The following PPFIBP1 variants were observed in gnomAD, a reference collection of about 807,000 sequenced individuals.
The protein encoded by PPFIBP1 is PPFIB scaffold protein 1.
In PPFIBP1, 112 loss-of-function variants were observed where a neutral mutation model predicts 137.8. That is an observed-to-expected ratio of 0.81 (90% CI 0.70 to 0.95). The LOEUF is 0.95. Among genes scored for constraint, PPFIBP1 ranks in the 40% least tolerant of loss-of-function variants. PPFIBP1 has a pLI of 0.00. For missense variants in PPFIBP1, 1,083 were observed against 1,196.6 expected, an observed-to-expected ratio of 0.91 and a Z score of 1.40; for synonymous variants, 378 against 417.3, an observed-to-expected ratio of 0.91 and a Z score of 1.15.
At chr12:27,547,082 T>C (rs1946307326) in intron 1 of PPFIBP1, 1 of 152,250 alleles carries the variant, frequency 6.6e-6, no homozygotes, top group Non-Finnish European at 1.5e-5. Context: ...GTGGAACTGT[T>C]CTTGCCGGGT....
intron 2 of PPFIBP1, among the ~76,000 whole-genome samples, chr12:27,610,457 C>A (rs1294219265): frequency 6.6e-6 from 1 of 152,174 alleles, no homozygotes; most frequent in East Asian, 1.9e-4. Flanking sequence ...GCACTGAGCA[C>A]TTAAAGCGCC....
At chr12:27,646,299 T>C in intron 5 of PPFIBP1, 151 bp downstream of exon 5, 1 of 693,024 alleles carries the variant, frequency 1.4e-6, no homozygotes, top group Non-Finnish European at 2.6e-6. Context: ...GTGGTGAGGA[T>C]TGGGGCAGAA....
intron 1 of PPFIBP1, among the ~76,000 whole-genome samples, chr12:27,558,542 G>A (rs1217271416): frequency 1.9e-5 from 2 of 106,096 alleles, no homozygotes; most frequent in Non-Finnish European, 3.8e-5. Flanking sequence ...TGTGGGCATT[G>A]GGGAAAATAG....
At position 27,676,420 on chromosome 12, in the gene PPFIBP1, C is replaced by T. The variant is rs751319279; in HGVS notation, c.1411-8C>T. ...AGAGCTGTTTCACTATTCTTATTTG[C>T]CTCTCAGGACAGAGCTCCGGCAGAA... On this transcript the variant is annotated splice_region_variant and splice_polypyrimidine_tract_variant and intron_variant, in intron 17 of 29. Coordinates refer to ENST00000228425, the MANE Select transcript of PPFIBP1 (RefSeq NM_003622.4). 9.5e-6 allele frequency: 14 copies of T among 1,473,734 alleles called. No homozygotes were observed. In the South Asian group the frequency reaches 1.6e-4, roughly 17 times the overall value. 91.3% of individuals were successfully genotyped at this position (1,473,734 alleles called of 1,614,324 possible). A position where few individuals can be genotyped will look rare whatever the true frequency, so the allele number is the denominator to read the frequency against.
chr12:27,587,875 T>C (rs2051978348), intron 2 of PPFIBP1, among the ~76,000 whole-genome samples: 2 of 152,146 alleles, frequency 1.3e-5, no homozygotes, highest in South Asian at 4.1e-4. Flanking sequence ...TCCTTTACTA[T>C]AGTTTTTGTT....
At chr12:27,540,199 G>A (rs888261241) in intron 1 of PPFIBP1, among the ~76,000 whole-genome samples, 2 of 151,568 alleles carry the variant, frequency 1.3e-5, no homozygotes, top group African/African-American at 4.8e-5. Flanking sequence ...TAGGATTATA[G>A]GCATGTGCCA....
At chr12:27,620,997 C>T (rs1592916476) in intron 2 of PPFIBP1, among the ~76,000 whole-genome samples, 1 of 152,214 alleles carries the variant, frequency 6.6e-6, no homozygotes, top group East Asian at 1.9e-4. Flanking sequence ...CACTACTGTA[C>T]CTTCATCACT....
At chr12:27,646,654 T>A (rs961689703) in intron 5 of PPFIBP1, among the ~76,000 whole-genome samples, 24 of 152,178 alleles carry the variant, frequency 1.6e-4, no homozygotes, top group Non-Finnish European at 3.1e-4. Flanking sequence ...AATCAGAATA[T>A]ATATATTTAA....
intron 1 of PPFIBP1, among the ~76,000 whole-genome samples, chr12:27,567,190 C>G (rs2049754104): frequency 6.6e-6 from 1 of 152,120 alleles, no homozygotes; most frequent in South Asian, 2.1e-4. Flanking sequence ...GGGTGCTCTA[C>G]AGGCCCAATA....
chr12:27,674,156 C>T (rs2060362207), intron 16 of PPFIBP1, 36 bp from the exon 17 acceptor site: 2 of 1,526,906 alleles, frequency 1.3e-6, no homozygotes, highest in African/African-American at 2.8e-5. Flanking sequence ...AAAGGATTTC[C>T]CTAACAACCT....
At chr12:27,609,009 C>T in intron 2 of PPFIBP1, 1 of 164,104 alleles carries the variant, frequency 6.1e-6, no homozygotes, top group Non-Finnish European at 1.3e-5. Flanking sequence ...GGTCTCCCTT[C>T]ACCGACACTT....
intron 8 of PPFIBP1, among the ~76,000 whole-genome samples, chr12:27,655,787 C>T (rs1176769236): frequency 3.9e-5 from 6 of 152,158 alleles, no homozygotes; most frequent in Non-Finnish European, 8.8e-5. Flanking sequence ...TCTCATAGTA[C>T]TAAATGTAAT....
At chr12:27,530,306 A>G (rs1944273405) in intron 1 of PPFIBP1, among the ~76,000 whole-genome samples, 1 of 152,152 alleles carries the variant, frequency 6.6e-6, no homozygotes, top group Non-Finnish European at 1.5e-5. Flanking sequence ...GAGAGGGTGG[A>G]AGGGAAACAG....
intron 1 of PPFIBP1, among the ~76,000 whole-genome samples, chr12:27,536,528 T>G (rs1335633225): frequency 1.3e-5 from 2 of 152,094 alleles, no homozygotes; most frequent in Admixed American, 6.6e-5. Flanking sequence ...AGATCTCCCA[T>G]GAACGAATTG....
intron 1 of PPFIBP1, among the ~76,000 whole-genome samples, chr12:27,576,957 C>T (rs1392688991): frequency 3.3e-5 from 5 of 152,082 alleles, no homozygotes; most frequent in East Asian, 1.9e-4. Flanking sequence ...ACTTTCAGAG[C>T]GCACCCTAGT....
At chr12:27,679,868 G>A in intron 20 of PPFIBP1, 65 bp from the exon 21 acceptor site, 1 of 1,582,462 alleles carries the variant, frequency 6.3e-7, no homozygotes, top group Non-Finnish European at 8.6e-7. Flanking sequence ...AGTTAAAAAT[G>A]TTCTGATTAA....
chr12:27,563,942 G>A (rs555973877), intron 1 of PPFIBP1, among the ~76,000 whole-genome samples: 24 of 150,102 alleles, frequency 1.6e-4, no homozygotes, highest in African/African-American at 5.4e-4. Flanking sequence ...GTGCGATCTT[G>A]GCTCACTGCA....
At chr12:27,675,004 T>C (rs2140253931) in intron 17 of PPFIBP1, among the ~76,000 whole-genome samples, 1 of 151,438 alleles carries the variant, frequency 6.6e-6, no homozygotes, top group South Asian at 2.1e-4. Flanking sequence ...TGTTTTTTTT[T>C]TTATTTTTTA....
Position 27,687,419 on chromosome 12 carries a change from T to C in PPFIBP1, c.2282T>C (p.Leu761Pro), listed in dbSNP as rs979258108. Residue 761 changes from leucine to proline, a missense_variant, in exon 25 of 30, where the codon CTA (leucine) becomes CCA (proline). Coordinates refer to ENST00000228425, the MANE Select transcript of PPFIBP1 (RefSeq NM_003622.4). Reference protein sequence around the residue: ...DLLSLKVVSVLHHLSIKRAIQ... With the variant: ...DLLSLKVVSVPHHLSIKRAIQ... The stretch of plus-strand genomic sequence containing the variant: ...CTGTCTCTGAAGGTTGTAAGTGTGC[T>C]ACACCATCTCAGTATCAAAAGGGCC... 4.3e-6 allele frequency: 7 copies of C among 1,613,934 alleles called. No homozygotes were observed. The highest frequency in any genetic ancestry group is 1.3e-5 in the African/African-American group (1 of 74,930).
Sources: gnomAD v4.1 joint callset for allele counts (sites outside exome capture counted in the v4.1 genomes callset) on GRCh38, gnomAD v4.1.1 for gene constraint, MANE v1.5 for transcripts, NCBI Gene and HGNC (gene_info 2026-07-23, HGNC 2026-07-21) for gene names.